MRPL50: variants seen among roughly 807,000 people sequenced by gnomAD.
The protein encoded by MRPL50 is large ribosomal subunit protein mL50.
A neutral mutation model predicts 16.2 loss-of-function variants in MRPL50; 10 were observed. The observed-to-expected ratio is 0.62, with a 90% CI of 0.38 to 1.05. The LOEUF (loss-of-function observed/expected upper bound fraction) is 1.05, where lower values mean the gene tolerates loss of function less well. Ranked by LOEUF, MRPL50 falls within the 50% of genes least tolerant of loss-of-function variation. The probability of loss-of-function intolerance (pLI) is 0.01; values close to 1 mark genes in which losing one functional copy is unlikely to be tolerated. For synonymous variants in MRPL50, 68 were observed against 66.8 expected (o/e 1.02, Z -0.09); for missense variants, 213 against 187.1 (o/e 1.14, Z -0.81).
rs932471073 is a variant in MRPL50 at position 101,398,363 on chromosome 9, C to G, written c.92+138G>C. The stretch of plus-strand genomic sequence containing the variant: ...ACCACTCAATGAGTGCTTCTCAACT[C>G]GGGACCCTAACCGGACCTCCTTGTC... On this transcript the variant is annotated intron_variant, in intron 1 of 1. Transcript: ENST00000374865. The G allele has an allele frequency of 3.4e-5, 25 of 732,294 alleles. No homozygotes were observed. In the African/African-American group the frequency reaches 4.2e-4, roughly 12 times the overall value. 45.4% of individuals were successfully genotyped at this position (732,294 alleles called of 1,614,324 possible). A position where few individuals can be genotyped will look rare whatever the true frequency, so the allele number is the denominator to read the frequency against.
chr9:101,390,971 G>A lies in MRPL50; in HGVS notation c.93-121C>T, dbSNP rs1219709794. The A allele has an allele frequency of 4.5e-6, 5 of 1,123,146 alleles. No individual in the cohort carries two copies. The African/African-American group carries it at 6.3e-5, about 14-fold the overall frequency. 69.6% of individuals were successfully genotyped at this position (1,123,146 alleles called of 1,614,324 possible). On this transcript the variant is annotated intron_variant, in intron 1 of 1. Coordinates refer to ENST00000374865, the MANE Select transcript of MRPL50 (RefSeq NM_019051.3). ...TGATTACCACTGGGGACTACTGAGA[G>A]TAGGAAAGAATATGGTAGGCCCCTG...
intron 1 of MRPL50, among the ~76,000 whole-genome samples, chr9:101,396,369 G>A (rs1214407124): frequency 6.6e-6 from 1 of 152,108 alleles, no homozygotes; most frequent in African/African-American, 2.4e-5. Flanking sequence ...CTTCATTGCA[G>A]CATGTGTGTA....
Position 101,390,229 on chromosome 9 carries a change from T to C in MRPL50, c.*237A>G, listed in dbSNP as rs1239716127. On this transcript the variant is annotated 3_prime_UTR_variant, in exon 2 of 2. Transcript: ENST00000374865. ...GACAGTGCCCTCTCAAAACTTTTCA[T>C]AAATAATGACCTAATTTCATTTAAA... 13 of 1,215,712 alleles carry C rather than the reference T, an allele frequency of 1.1e-5. No homozygotes were observed. Among genetic ancestry groups the C allele is most frequent in the Non-Finnish European group, 1.3e-5 (13 of 975,062 alleles). The allele number at this position is 1,215,712 out of a possible 1,614,324, so 75.3% of individuals were successfully genotyped here.
intron 1 of MRPL50, among the ~76,000 whole-genome samples, chr9:101,393,762 T>C (rs1355442235): frequency 6.6e-6 from 1 of 151,750 alleles, no homozygotes; most frequent in Non-Finnish European, 1.5e-5. Context: ...ATAAAAACTA[T>C]AAAACACTGA....
rs565655185 is a variant in MRPL50, at chr9:101,390,005, T to A, written c.*461A>T. On this transcript the variant is annotated 3_prime_UTR_variant, in exon 2 of 2. Transcript: ENST00000374865. ...CTACTTTAATTCTAAAAGAAATTAA[T>A]CTAGAACTGTCAGTAATACACAACA... The A allele has an allele frequency of 1.6e-4, 146 of 920,054 alleles. 2 individuals carry two copies. In the South Asian group the frequency reaches 6.2e-3, roughly 39 times the overall value. The allele number at this position is 920,054 out of a possible 1,614,324, so 57.0% of individuals were successfully genotyped here. A position where few individuals can be genotyped will look rare whatever the true frequency, so the allele number is the denominator to read the frequency against.
chr9:101,394,616 T>C (rs1392411868), intron 1 of MRPL50, among the ~76,000 whole-genome samples: 1 of 152,158 alleles, frequency 6.6e-6, no homozygotes, highest in South Asian at 2.1e-4. Context: ...TCTTTCTCCA[T>C]TGCAATTCCT....
At position 101,387,672 on chromosome 9, in the gene MRPL50, A is replaced by G. The variant is rs952264200; in HGVS notation, c.*2794T>C. On this transcript the variant is annotated 3_prime_UTR_variant, in exon 2 of 2. Transcript: ENST00000374865. ...GTTTATTTTATGCAGTTTAAAACAT[A>G]TATTACATATGTAAAACCATTCTAT... 3.3e-5 allele frequency: 5 copies of G among 152,272 alleles called. No individual in the cohort carries two copies. Among genetic ancestry groups the G allele is most frequent in the South Asian group, 2.1e-4 (1 of 4,828 alleles). The allele number at this position is 152,272 out of a possible 1,614,324, so 9.4% of individuals were successfully genotyped here. A position where few individuals can be genotyped will look rare whatever the true frequency, so the allele number is the denominator to read the frequency against.
intron 1 of MRPL50, among the ~76,000 whole-genome samples, chr9:101,392,006 C>T (rs1407384526): frequency 6.6e-6 from 1 of 151,916 alleles, no homozygotes; most frequent in Non-Finnish European, 1.5e-5. Flanking sequence ...AACTAGAAAT[C>T]AATAACAAGA....
At chr9:101,395,717 AAAG>A (rs1830330637) in intron 1 of MRPL50, among the ~76,000 whole-genome samples, 1 of 152,160 alleles carries the variant, frequency 6.6e-6, no homozygotes, top group Non-Finnish European at 1.5e-5. Flanking sequence ...AAAAAAAAAA[AAAG>A]ACCTCATGGA....
chr9:101,390,084 G>A lies in MRPL50; in HGVS notation c.*382C>T. The A allele has an allele frequency of 1.0e-6, 1 of 995,480 alleles. No individual in the cohort carries two copies. The highest frequency in any genetic ancestry group is 1.2e-6 in the Non-Finnish European group (1 of 834,690). The allele number at this position is 995,480 out of a possible 1,614,324, so 61.7% of individuals were successfully genotyped here. On this transcript the variant is annotated 3_prime_UTR_variant, in exon 2 of 2. Transcript: ENST00000374865. ...ATCTAATAAAAGTTTATTTGTGTATGTGCAATGCATAACTCTATCTTAGAT... is the reference window on the plus strand; with the variant it reads ...ATCTAATAAAAGTTTATTTGTGTATATGCAATGCATAACTCTATCTTAGAT...
intron 1 of MRPL50, among the ~76,000 whole-genome samples, chr9:101,393,845 T>C (rs1830304744): frequency 6.6e-6 from 1 of 151,952 alleles, no homozygotes; most frequent in East Asian, 1.9e-4. Flanking sequence ...TTGATGTTGT[T>C]GAAATGCTTA....
intron 1 of MRPL50, among the ~76,000 whole-genome samples, chr9:101,391,836 T>G (rs1341921114): frequency 6.6e-6 from 1 of 152,038 alleles, no homozygotes; most frequent in African/African-American, 2.4e-5. Flanking sequence ...GACTTGACAC[T>G]TAGAGAACAT....
chr9:101,396,835 G>A (rs937139940), intron 1 of MRPL50, among the ~76,000 whole-genome samples: 14 of 151,978 alleles, frequency 9.2e-5, no homozygotes, highest in Non-Finnish European at 1.9e-4. Flanking sequence ...CCAGCTACTC[G>A]GGAGGCTGAG....
chr9:101,398,091 GAACA>G (rs935904559), intron 1 of MRPL50, among the ~76,000 whole-genome samples: 3 of 152,152 alleles, frequency 2.0e-5, no homozygotes, highest in African/African-American at 7.2e-5. Context: ...CTGAATGAAT[GAACA>G]AACAAAAGGA....
rs1382213007 is a variant in MRPL50 at position 101,390,299 on chromosome 9, C to T, written c.*167G>A. 1.5e-5 allele frequency: 20 copies of T among 1,315,822 alleles called. No individual in the cohort carries two copies. Among genetic ancestry groups the T allele is most frequent in the Non-Finnish European group, 1.8e-5 (19 of 1,032,564 alleles). The allele number at this position is 1,315,822 out of a possible 1,614,324, so 81.5% of individuals were successfully genotyped here. A position where few individuals can be genotyped will look rare whatever the true frequency, so the allele number is the denominator to read the frequency against. ...GAAAATAGAAAGTCCGTTATTTGTC[C>T]ATTTGTAATATGAGAAAAAAAAAGA... On this transcript the variant is annotated 3_prime_UTR_variant, in exon 2 of 2. Coordinates refer to ENST00000374865, the MANE Select transcript of MRPL50 (RefSeq NM_019051.3).
chr9:101,398,407 G>C, intron 1 of MRPL50, 94 bp downstream of exon 1: 1 of 1,221,292 alleles, frequency 8.2e-7, no homozygotes, highest in Non-Finnish European at 1.2e-6. Flanking sequence ...GATCAGGCGC[G>C]GGACCACGAT....
At chr9:101,398,389 C>T in intron 1 of MRPL50, 112 bp downstream of exon 1, 1 of 1,028,880 alleles carries the variant, frequency 9.7e-7, no homozygotes, top group Admixed American at 1.8e-5. Flanking sequence ...CCTCCTTGTC[C>T]TTGCTCTGAT....
chr9:101,389,305 C>A lies in MRPL50; in HGVS notation c.*1161G>T. 2.7e-6 allele frequency: 1 copy of A among 364,722 alleles called. No individual in the cohort carries two copies. Among genetic ancestry groups the A allele is most frequent in the Non-Finnish European group, 4.7e-6 (1 of 214,094 alleles). 22.6% of individuals were successfully genotyped at this position (364,722 alleles called of 1,614,324 possible). A position where few individuals can be genotyped will look rare whatever the true frequency, so the allele number is the denominator to read the frequency against. ...CCAAGTAGGTGTCCTGGAACCAATC[C>A]CCAAGGAATCAACTCTAATGTCTAA... On this transcript the variant is annotated 3_prime_UTR_variant, in exon 2 of 2. Coordinates refer to ENST00000374865, the MANE Select transcript of MRPL50 (RefSeq NM_019051.3).
intron 1 of MRPL50, among the ~76,000 whole-genome samples, chr9:101,396,018 T>C (rs1241708104): frequency 2.0e-5 from 3 of 152,184 alleles, no homozygotes; most frequent in Non-Finnish European, 4.4e-5. Context: ...CTATTACACA[T>C]TGTATGCTTG....
Sources: gnomAD v4.1 joint callset for allele counts (sites outside exome capture counted in the v4.1 genomes callset) on GRCh38, gnomAD v4.1.1 for gene constraint, MANE v1.5 for transcripts, NCBI Gene and HGNC (gene_info 2026-07-23, HGNC 2026-07-21) for gene names.